The following CDHR2 variants were observed in gnomAD, a reference collection of about 807,000 sequenced individuals.
CDHR2 encodes cadherin-related family member 2.
CDHR2 carries 104 observed loss-of-function variants against 138.6 expected under a neutral mutation model. The observed-to-expected ratio is 0.75, with a 90% confidence interval of 0.64 to 0.88. CDHR2 has a LOEUF of 0.88. Among genes scored for constraint, CDHR2 ranks in the 40% least tolerant of loss-of-function variants. CDHR2 has a pLI of 0.00. For missense variants in CDHR2, 1,624 were observed against 1,727.6 expected (o/e 0.94, Z 1.06); for synonymous variants, 755 against 742.8 (o/e 1.02, Z -0.27).
At chr5:176,582,209 G>T (rs776887772) in intron 17 of CDHR2, among the ~76,000 whole-genome samples, 1 of 151,774 alleles carries the variant, frequency 6.6e-6, no homozygotes, top group Admixed American at 6.6e-5. Context: ...TTGTAGAGAT[G>T]GGGTTTTTCC....
At chr5:176,586,058 C>T in intron 20 of CDHR2, 33 bp downstream of exon 20, 1 of 1,586,106 alleles carries the variant, frequency 6.3e-7, no homozygotes, top group Non-Finnish European at 8.7e-7. Context: ...CACCATACCC[C>T]TGCTCCATAA....
chr5:176,546,661 C>T (rs1757589388), upstream of CDHR2, among the ~76,000 whole-genome samples: 1 of 150,332 alleles, frequency 6.7e-6, no homozygotes, highest in African/African-American at 2.5e-5. Context: ...CGGCTCACAC[C>T]TGTAATCCTA....
chr5:176,561,610 T>A (rs542520326), intron 1 of CDHR2, among the ~76,000 whole-genome samples: 15 of 150,626 alleles, frequency 1.0e-4, no homozygotes, highest in African/African-American at 2.7e-4. Context: ...TGAGGGCGTG[T>A]CTGGACAGAA....
At chr5:176,587,056 A>G (rs990331259) in intron 21 of CDHR2, among the ~76,000 whole-genome samples, 2 of 152,222 alleles carry the variant, frequency 1.3e-5, no homozygotes, top group Non-Finnish European at 2.9e-5. Flanking sequence ...CGTAAATACC[A>G]CTTGCAGTCC....
intron 1 of CDHR2, among the ~76,000 whole-genome samples, chr5:176,549,941 C>T (rs1757667898): frequency 6.6e-6 from 1 of 152,222 alleles, no homozygotes; most frequent in Non-Finnish European, 1.5e-5. Context: ...TGGCCTATGA[C>T]CGAGCCCAGT....
Position 176,581,585 on chromosome 5 carries a change from AAGGCCTCGCTT to A in CDHR2, c.2058+6_2058+16del. ...TCAATGTCACCATCACTGTGGAGGTAAGGCCTCGCTTAGCCAGGATGGGCCTGGGGGCCTCC... is the reference window on the plus strand; with the variant it reads ...TCAATGTCACCATCACTGTGGAGGTAAGCCAGGATGGGCCTGGGGGCCTCC... On this transcript the variant is annotated splice_donor_5th_base_variant and intron_variant, in intron 17 of 31. Coordinates refer to ENST00000261944, the MANE Select transcript of CDHR2 (RefSeq NM_017675.6). The A allele has an allele frequency of 6.2e-7, 1 of 1,612,828 alleles. No individual in the cohort carries two copies. The highest frequency in any genetic ancestry group is 8.5e-7 in the Non-Finnish European group (1 of 1,179,766).
intron 3 of CDHR2, 119 bp downstream of exon 3, chr5:176,565,862 G>A (rs1027085711): frequency 2.6e-5 from 18 of 704,186 alleles, no homozygotes; most frequent in Admixed American, 5.4e-5. Flanking sequence ...GGACAAAGAG[G>A]GACTGAAGGG....
chr5:176,575,892 C>T, intron 11 of CDHR2, 53 bp downstream of exon 11: 4 of 1,561,322 alleles, frequency 2.6e-6, no homozygotes, highest in Non-Finnish European at 3.5e-6. Context: ...AACCTCTGGC[C>T]TTTGATCTCT....
At position 176,592,527 on chromosome 5, in the gene CDHR2, G is replaced by T. The variant is rs1353592230; in HGVS notation, c.3735-196G>T. ...AGTGATTATGATGATAGTGGTGGTG[G>T]TGGTGTTGGTGTTGAGGTGATGGTG... On this transcript the variant is annotated intron_variant, in intron 30 of 31. Coordinates refer to ENST00000261944, the MANE Select transcript of CDHR2 (RefSeq NM_017675.6). Among the ~76,000 whole-genome samples, 6 of 151,432 alleles carry T rather than the reference G, an allele frequency of 4.0e-5. No individual in the cohort carries two copies. In the East Asian group the frequency reaches 7.8e-4, roughly 20 times the overall value.
At position 176,584,558 on chromosome 5, in the gene CDHR2, G is replaced by C; in HGVS notation, c.2277G>C (p.Arg759=). 5 of 1,612,008 alleles carry C rather than the reference G, an allele frequency of 3.1e-6. No homozygotes were observed. Among genetic ancestry groups the C allele is most frequent in the Non-Finnish European group, 4.2e-6 (5 of 1,178,738 alleles). ...CTGGGTGGGCTGAGGGCTACCTCCG[G>C]CTGCCCCCGGACGTGAGCCTGGATT... ...LGAGWAEGYL[R]LPPDVSLDYE... The change falls in exon 19 of 32, where the codon CGG becomes CGC. Residue 759 remains arginine (R), a synonymous_variant. Coordinates refer to ENST00000261944, the MANE Select transcript of CDHR2 (RefSeq NM_017675.6).
chr5:176,569,158 A>T (rs1758160829), intron 5 of CDHR2, 148 bp downstream of exon 5: 1 of 513,980 alleles, frequency 1.9e-6, no homozygotes. Flanking sequence ...TTTCTTTGTC[A>T]TATGACATTA....
Position 176,576,579 on chromosome 5 carries a change from C to CTT in CDHR2, c.1194+408_1194+409dup, listed in dbSNP as rs35790078. ...TGAGGGTGTGAGGTGGGAGGGTGCT[C>CTT]TTTTTTTTTTTTTTTGAGATGGAAT... On this transcript the variant is annotated intron_variant, in intron 12 of 31. Transcript: ENST00000261944. The surrounding 1 kb of genome is among the most constrained non-coding windows in gnomAD (Gnocchi z 4.5). Among the ~76,000 whole-genome samples the CTT allele has an allele frequency of 7.3e-6, 1 of 136,554 alleles. No individual in the cohort carries two copies. Among genetic ancestry groups the CTT allele is most frequent in the Non-Finnish European group, 1.6e-5 (1 of 63,684 alleles). The allele number at this position is 136,554 out of a possible 152,430, so 89.6% of individuals were successfully genotyped here.
At chr5:176,565,250 TG>T in intron 1 of CDHR2, 87 bp from the exon 2 acceptor site, 2 of 885,066 alleles carry the variant, frequency 2.3e-6, no homozygotes, top group Non-Finnish European at 3.8e-6. Flanking sequence ...CAGTGGTGGG[TG>T]GGCTCAGGTC....
chr5:176,574,347 C>T lies in CDHR2; in HGVS notation c.495+175C>T, dbSNP rs970397100. On this transcript the variant is annotated intron_variant, in intron 7 of 31. Coordinates refer to ENST00000261944, the MANE Select transcript of CDHR2 (RefSeq NM_017675.6). ...CCCTCCCCGGAAACCTCGCCTTGCC[C>T]GCTTACCTAAAGAGGGTGCCTGCTG... Among the ~76,000 whole-genome samples the T allele has an allele frequency of 4.6e-5, 7 of 152,308 alleles. No individual in the cohort carries two copies. In the East Asian group the frequency reaches 7.7e-4, roughly 17 times the overall value.
At chr5:176,582,062 C>A (rs1758546028) in intron 17 of CDHR2, among the ~76,000 whole-genome samples, 1 of 152,100 alleles carries the variant, frequency 6.6e-6, no homozygotes, top group African/African-American at 2.4e-5. Flanking sequence ...CCTTTGTCAC[C>A]CAGGCTGCAG....
At chr5:176,559,190 C>G (rs1311129842) in intron 1 of CDHR2, among the ~76,000 whole-genome samples, 4 of 152,164 alleles carry the variant, frequency 2.6e-5, no homozygotes, top group Non-Finnish European at 5.9e-5. Flanking sequence ...TGCATTTCTG[C>G]CACGTTCTGT....
At position 176,571,280 on chromosome 5, in the gene CDHR2, C is replaced by T; in HGVS notation, c.383C>T (p.Ala128Val). The change falls in exon 6 of 32, where the codon GCT becomes GTT. Residue 128 changes from alanine to valine, a missense_variant. Coordinates refer to ENST00000261944, the MANE Select transcript of CDHR2 (RefSeq NM_017675.6). Reference protein sequence around the residue: ...NDNAPVFQNTAFSTSINETLP... With the variant: ...NDNAPVFQNTVFSTSINETLP... The stretch of plus-strand genomic sequence containing the variant: ...AACGCACCCGTTTTCCAGAACACCG[C>T]TTTCTCCACCAGCATCAACGAGGTG... The T allele has an allele frequency of 1.2e-6, 2 of 1,609,562 alleles. No individual in the cohort carries two copies. The highest frequency in any genetic ancestry group is 1.7e-6 in the Non-Finnish European group (2 of 1,178,100).
At position 176,584,259 on chromosome 5, in the gene CDHR2, G is replaced by C; in HGVS notation, c.2128G>C (p.Gly710Arg). 1.2e-6 allele frequency: 2 copies of C among 1,614,006 alleles called. No homozygotes were observed. Among genetic ancestry groups the C allele is most frequent in the Non-Finnish European group, 1.7e-6 (2 of 1,179,878 alleles). ...CTTTACGGTGAAGGAGGAGGATCCA[G>C]GTATGTGCTCCCTGGGCCAGGAGAG... ...YNFTVKEEDP[G>R]VLVGVVKAWD... Residue 710 changes from glycine (G) to arginine (R), a missense_variant and splice_region_variant, in exon 18 of 32, where the codon GGA becomes CGA. Physicochemically the swap from Gly to Arg is moderately radical, Grantham distance 125 (BLOSUM62 -2). Around this residue, in one of 3 missense-constraint regions of CDHR2, gnomAD observed 1,061 missense variants for 1,136.6 expected, o/e 0.93. Coordinates refer to ENST00000261944, the MANE Select transcript of CDHR2 (RefSeq NM_017675.6).
In CDHR2 at chr5:176,595,411, G is replaced by C. The variant is rs111776929; in HGVS notation, c.3793-121G>C. The stretch of plus-strand genomic sequence containing the variant: ...TGGACCAGAGGCCCCAGGAGGGGCA[G>C]GGTGGGACCCCTGCCAAGGAACCAC... On this transcript the variant is annotated intron_variant, in intron 31 of 31. Coordinates refer to ENST00000261944, the MANE Select transcript of CDHR2 (RefSeq NM_017675.6). 174 of 1,176,984 alleles carry C rather than the reference G, an allele frequency of 1.5e-4. 1 individual carries two copies. The African/African-American group carries it at 2.4e-3, about 17-fold the overall frequency. The allele number at this position is 1,176,984 out of a possible 1,614,324, so 72.9% of individuals were successfully genotyped here. A position where few individuals can be genotyped will look rare whatever the true frequency, so the allele number is the denominator to read the frequency against.
Sources: allele counts gnomAD v4.1 joint callset (sites outside exome capture counted in the v4.1 genomes callset), GRCh38; gene constraint gnomAD v4.1.1; regional missense constraint gnomAD v4.1.1; non-coding constraint Gnocchi (gnomAD v3.1); transcripts MANE v1.5; gene names NCBI Gene and HGNC (gene_info 2026-07-23, HGNC 2026-07-21).